Variants in SH3GL2 observed in about 807,000 individuals in gnomAD.
The protein encoded by SH3GL2 is endophilin-A1.
A neutral mutation model predicts 46.0 loss-of-function variants in SH3GL2; 24 were observed. The observed-to-expected ratio is 0.52, with a 90% CI of 0.38 to 0.73. The LOEUF (loss-of-function observed/expected upper bound fraction) is 0.73. Ranked by LOEUF, SH3GL2 falls within the 30% of genes least tolerant of loss-of-function variation. The pLI, the probability that SH3GL2 is intolerant of heterozygous loss-of-function variation, is 0.00. For synonymous variants in SH3GL2, 196 were observed against 147.1 expected (o/e 1.33, Z -2.40); for missense variants, 413 against 424.2 (o/e 0.97, Z 0.23).
intron 1 of SH3GL2, among the ~76,000 whole-genome samples, chr9:17,651,312 C>A (rs1039406825): frequency 6.6e-6 from 1 of 152,154 alleles, no homozygotes; most frequent in Non-Finnish European, 1.5e-5. Context: ...GATTTGACAT[C>A]TTTAAAATGT....
At chr9:17,677,530 C>G (rs1017529725) in intron 1 of SH3GL2, among the ~76,000 whole-genome samples, 6 of 151,914 alleles carry the variant, frequency 3.9e-5, no homozygotes, top group Non-Finnish European at 8.8e-5. Flanking sequence ...CACCAAATCT[C>G]TTTTTTTAAA....
intron 2 of SH3GL2, among the ~76,000 whole-genome samples, chr9:17,750,031 C>T (rs1822800889): frequency 6.6e-6 from 1 of 152,098 alleles, no homozygotes; most frequent in Non-Finnish European, 1.5e-5. Flanking sequence ...AATTGTTTTA[C>T]TCTTTTTGAT....
intron 2 of SH3GL2, among the ~76,000 whole-genome samples, chr9:17,754,466 G>A (rs1378628094): frequency 1.3e-5 from 2 of 152,084 alleles, no homozygotes; most frequent in Non-Finnish European, 2.9e-5. Context: ...GAGGTCAGGA[G>A]ATCGAGACCA....
intron 1 of SH3GL2, among the ~76,000 whole-genome samples, chr9:17,699,849 T>G (rs717374): frequency 6.6e-6 from 1 of 152,168 alleles, no homozygotes; most frequent in Non-Finnish European, 1.5e-5. Context: ...AAGTGTCACG[T>G]TGAACACTTT....
intron 1 of SH3GL2, among the ~76,000 whole-genome samples, chr9:17,587,178 G>A (rs2134540966): frequency 6.6e-6 from 1 of 152,198 alleles, no homozygotes; most frequent in East Asian, 1.9e-4. Context: ...CTCCAGCCTG[G>A]GCGACAGAGC....
At chr9:17,619,941 T>A (rs1225098487) in intron 1 of SH3GL2, among the ~76,000 whole-genome samples, 1 of 152,226 alleles carries the variant, frequency 6.6e-6, no homozygotes, top group Non-Finnish European at 1.5e-5. Context: ...TGTTAAATGC[T>A]TTTCCCTTTG....
chr9:17,731,239 A>C (rs1822170200), intron 1 of SH3GL2, among the ~76,000 whole-genome samples: 1 of 152,022 alleles, frequency 6.6e-6, no homozygotes, highest in South Asian at 2.1e-4. Flanking sequence ...TATGGACTGA[A>C]TGTTTGTGTT....
chr9:17,709,906 C>T (rs1821573346), intron 1 of SH3GL2, among the ~76,000 whole-genome samples: 1 of 151,710 alleles, frequency 6.6e-6, no homozygotes, highest in Non-Finnish European at 1.5e-5. Context: ...AGTTGGAAGC[C>T]TAGTGAGGGA....
intron 1 of SH3GL2, among the ~76,000 whole-genome samples, chr9:17,662,466 T>C (rs1820245503): frequency 6.6e-6 from 1 of 152,152 alleles, no homozygotes; most frequent in African/African-American, 2.4e-5. Flanking sequence ...GTAGAAATAC[T>C]ATCATGCCTT....
chr9:17,647,411 TTC>T (rs144759576), intron 1 of SH3GL2, among the ~76,000 whole-genome samples: 2 of 150,294 alleles, frequency 1.3e-5, no homozygotes, highest in South Asian at 2.1e-4. Context: ...TCTTGTTAGT[TTC>T]TCTCTCTCTC....
intron 1 of SH3GL2, among the ~76,000 whole-genome samples, chr9:17,671,049 TTG>T: frequency 6.6e-6 from 1 of 152,156 alleles, no homozygotes. Flanking sequence ...TCTGAGAAGA[TTG>T]CTGGGTCTTA....
intron 1 of SH3GL2, among the ~76,000 whole-genome samples, chr9:17,623,051 C>CTTT (rs1478196398): frequency 2.7e-3 from 258 of 94,654 alleles, no homozygotes; most frequent in Middle Eastern, 0.011. Context: ...CTTCCCCTTC[C>CTTT]CCTTCCCCTT....
intron 1 of SH3GL2, among the ~76,000 whole-genome samples, chr9:17,631,344 A>T (rs573783366): frequency 6.6e-6 from 1 of 152,304 alleles, no homozygotes; most frequent in African/African-American, 2.4e-5. Context: ...TAAAAACCAC[A>T]GTGTAGTGTT....
At chr9:17,648,343 G>A (rs966389492) in intron 1 of SH3GL2, among the ~76,000 whole-genome samples, 4 of 152,096 alleles carry the variant, frequency 2.6e-5, no homozygotes, top group South Asian at 2.1e-4. Context: ...TGAGATTAAC[G>A]CTGTTAGGTA....
intron 1 of SH3GL2, among the ~76,000 whole-genome samples, chr9:17,597,771 G>C (rs910568544): frequency 6.6e-6 from 1 of 152,038 alleles, no homozygotes; most frequent in African/African-American, 2.4e-5. Flanking sequence ...AAATTATTTG[G>C]ATTTAAAAAC....
intron 1 of SH3GL2, among the ~76,000 whole-genome samples, chr9:17,673,773 C>T (rs1246041021): frequency 6.6e-6 from 1 of 152,200 alleles, no homozygotes. Flanking sequence ...TTCTTTCTTA[C>T]TCACCCTTGA....
intron 1 of SH3GL2, among the ~76,000 whole-genome samples, chr9:17,612,746 CT>C (rs1345512017): frequency 1.3e-5 from 2 of 152,146 alleles, no homozygotes; most frequent in Admixed American, 1.3e-4. Flanking sequence ...TGTTCACAGC[CT>C]TGTGCACCCA....
intron 1 of SH3GL2, among the ~76,000 whole-genome samples, chr9:17,601,139 A>G (rs892039122): frequency 4.6e-5 from 7 of 152,080 alleles, no homozygotes; most frequent in African/African-American, 1.7e-4. Flanking sequence ...CAACGTCTTC[A>G]CCTAATAGGT....
rs576184372 is a variant in SH3GL2, at chr9:17,766,030, A to C, written c.187+4521A>C. Among the ~76,000 whole-genome samples, 43 of 152,334 alleles carry C rather than the reference A, an allele frequency of 2.8e-4. No individual in the cohort carries two copies. In the South Asian group the frequency reaches 8.7e-3, roughly 31 times the overall value. ...TATGTAACCAACATTTGTCACATGC[A>C]TTTACTTTTATGCAAAGAGCAATTC... On this transcript the variant is annotated intron_variant, in intron 3 of 8. Transcript: ENST00000380607.
Sources: gnomAD v4.1 joint callset for allele counts (sites outside exome capture counted in the v4.1 genomes callset) on GRCh38, gnomAD v4.1.1 for gene constraint, MANE v1.5 for transcripts, NCBI Gene and HGNC (gene_info 2026-07-23, HGNC 2026-07-21) for gene names.